Variants in HECTD4 observed in about 807,000 individuals in gnomAD.
HECTD4 encodes probable E3 ubiquitin-protein ligase HECTD4.
HECTD4 carries 114 observed loss-of-function variants against 471.5 expected under a neutral mutation model. The observed-to-expected ratio is 0.24, with a 90% CI of 0.21 to 0.28. The LOEUF is 0.28. Among genes scored for constraint, HECTD4 ranks in the 10% least tolerant of loss-of-function variants. HECTD4 has a pLI of 1.00. For synonymous variants in HECTD4, 2,012 were observed against 2,256.0 expected (o/e 0.89, Z 3.07); for missense variants, 3,866 against 5,651.5 (o/e 0.68, Z 10.13).
chr12:112,316,183 T>C (rs1160150839), intron 2 of HECTD4, among the ~76,000 whole-genome samples: 2 of 152,032 alleles, frequency 1.3e-5, no homozygotes, highest in Non-Finnish European at 2.9e-5. Context: ...TCCCCTCAGA[T>C]ACCCCAAGCA....
chr12:112,250,534 T>C (rs558295506), intron 24 of HECTD4, among the ~76,000 whole-genome samples, 157 bp from the exon 25 acceptor site: 17 of 152,344 alleles, frequency 1.1e-4, no homozygotes, highest in African/African-American at 3.1e-4. Flanking sequence ...CAAGTGAGCA[T>C]TGTATGAAAG....
intron 1 of HECTD4, among the ~76,000 whole-genome samples, chr12:112,348,932 T>G (rs2036203540): frequency 1.3e-5 from 2 of 152,206 alleles, no homozygotes; most frequent in Non-Finnish European, 1.5e-5. Context: ...GATTTTCATC[T>G]TCTTTTTTTG....
chr12:112,246,270 GAA>G (rs1010551003), intron 29 of HECTD4, among the ~76,000 whole-genome samples: 4 of 151,950 alleles, frequency 2.6e-5, no homozygotes, highest in South Asian at 2.1e-4. Flanking sequence ...AAGTAAAGAG[GAA>G]AAAAGTTACA....
chr12:112,171,617 A>G (rs1235103393), intron 67 of HECTD4, among the ~76,000 whole-genome samples: 1 of 152,182 alleles, frequency 6.6e-6, no homozygotes, highest in African/African-American at 2.4e-5. Context: ...TCCCGTGTAC[A>G]TTTCTCCCAG....
chr12:112,189,550 C>CAAA (rs57209316), intron 60 of HECTD4, among the ~76,000 whole-genome samples: 26 of 30,386 alleles, frequency 8.6e-4, no homozygotes, highest in East Asian at 1.8e-3. Context: ...GACTCCGTCT[C>CAAA]AAAAAAAAAA....
intron 1 of HECTD4, among the ~76,000 whole-genome samples, chr12:112,377,293 A>G (rs2036800527): frequency 2.0e-5 from 3 of 152,110 alleles, no homozygotes; most frequent in Non-Finnish European, 4.4e-5. Context: ...AATAAAACAA[A>G]AAAACGGAGC....
At chr12:112,260,534 A>G (rs919049044) in intron 18 of HECTD4, among the ~76,000 whole-genome samples, 26 of 152,176 alleles carry the variant, frequency 1.7e-4, no homozygotes, top group African/African-American at 6.3e-4. Flanking sequence ...CAAATTGTCA[A>G]AAAACACAGT....
intron 24 of HECTD4, among the ~76,000 whole-genome samples, chr12:112,250,769 G>A (rs2033864189): frequency 6.6e-6 from 1 of 152,164 alleles, no homozygotes; most frequent in African/African-American, 2.4e-5. Context: ...GCAGTTCAAA[G>A]ATGTAATTTT....
At chr12:112,336,241 T>A (rs568204911) in intron 1 of HECTD4, among the ~76,000 whole-genome samples, 1 of 152,170 alleles carries the variant, frequency 6.6e-6, no homozygotes, top group South Asian at 2.1e-4. Context: ...TTAAAAAACA[T>A]GGCCGGGCGC....
intron 1 of HECTD4, among the ~76,000 whole-genome samples, chr12:112,379,324 C>T (rs1237871121): frequency 2.0e-5 from 3 of 152,194 alleles, no homozygotes; most frequent in Non-Finnish European, 4.4e-5. Context: ...TGCAATATTT[C>T]CAATTGTTAG....
chr12:112,337,777 G>A lies in HECTD4; in HGVS notation c.178-18035C>T, dbSNP rs557752532. ...ATGTACTCCATTATTTCTTGTTTTT[G>A]CATTCCAAACTAAATTTTTTAAAAT... On this transcript the variant is annotated intron_variant, in intron 1 of 75. Transcript: ENST00000682272. Among the ~76,000 whole-genome samples, 5 of 152,130 alleles carry A rather than the reference G, an allele frequency of 3.3e-5. No individual in the cohort carries two copies. In the East Asian group the frequency reaches 9.6e-4, roughly 29 times the overall value.
intron 48 of HECTD4, among the ~76,000 whole-genome samples, chr12:112,214,613 A>G (rs2032860400): frequency 6.6e-6 from 1 of 152,218 alleles, no homozygotes; most frequent in African/African-American, 2.4e-5. Context: ...CCCGTAGTCC[A>G]GTCCTAAATG....
chr12:112,233,052 A>C lies in HECTD4; in HGVS notation c.5949T>G (p.Thr1983=). The C allele has an allele frequency of 1.2e-6, 2 of 1,612,358 alleles. No individual in the cohort carries two copies. The highest frequency in any genetic ancestry group is 1.7e-6 in the Non-Finnish European group (2 of 1,179,304). The change falls in exon 38 of 76, where the codon ACT becomes ACG. Residue 1983 remains threonine, a synonymous_variant. Transcript: ENST00000682272. The part of the protein sequence containing the change: ...SSEGRPFRLG[T]GANMEKVVKM... ...TCACAACTTTCTCCATGTTGGCGCC[A>C]GTACCAAGTCGGAAGGGCCGTCCTT...
At position 112,258,591 on chromosome 12, in the gene HECTD4, C is replaced by G. The variant is rs752347793; in HGVS notation, c.3033G>C (p.Ala1011=). ...VQLVLYTSQT[A]LLLKTQCPVF... The stretch of plus-strand genomic sequence containing the variant: ...CCGGACACTGGGTTTTAAGCAGCAA[C>G]GCCGTCTGAAACACAAAACCATCAT... The change falls in exon 20 of 76, where the codon GCG becomes GCC. Residue 1011 remains alanine, a synonymous_variant. Transcript: ENST00000682272. 2 of 1,597,442 alleles carry G rather than the reference C, an allele frequency of 1.3e-6. No individual in the cohort carries two copies. Among genetic ancestry groups the G allele is most frequent in the Non-Finnish European group, 1.7e-6 (2 of 1,173,944 alleles).
intron 69 of HECTD4, chr12:112,170,128 G>A (rs1322314769): frequency 1.6e-5 from 11 of 680,684 alleles, no homozygotes; most frequent in South Asian, 5.8e-5. Flanking sequence ...GTGGGCCCCC[G>A]GGAGCCAAGC....
intron 1 of HECTD4, among the ~76,000 whole-genome samples, chr12:112,362,165 A>G (rs1280063773): frequency 6.6e-6 from 1 of 152,306 alleles, no homozygotes; most frequent in Admixed American, 6.5e-5. Flanking sequence ...ATCTGTACTC[A>G]ATGGGACTGT....
chr12:112,210,131 G>A lies in HECTD4; in HGVS notation c.7751C>T (p.Ala2584Val), dbSNP rs1470982284. The change falls in exon 50 of 76, where the codon GCC (alanine) becomes GTC (valine). Residue 2584 changes from alanine to valine, a missense_variant. Coordinates refer to ENST00000682272, the MANE Select transcript of HECTD4 (RefSeq NM_001388303.1). The stretch of plus-strand genomic sequence containing the variant: ...GTCAGATGCCATGGCGAAAGGCAGG[G>A]CCTCAAAGTTAGCGCTGATCTCTTC... ...LAEEISANFE[A>V]LPFAMASDSD... 1 of 1,614,002 alleles carries A rather than the reference G, an allele frequency of 6.2e-7. No homozygotes were observed. Among genetic ancestry groups the A allele is most frequent in the Admixed American group, 1.7e-5 (1 of 60,024 alleles).
Position 112,196,066 on chromosome 12 carries a change from G to A in HECTD4, c.8568-1000C>T, listed in dbSNP as rs1416143590. ...TGAGGTGGGAGGACTGCTGAGCCCA[G>A]TAGTTGGAGGCCACAGTGGGCTATG... On this transcript the variant is annotated intron_variant, in intron 55 of 75. Transcript: ENST00000682272. 3.3e-5 allele frequency among the ~76,000 whole-genome samples: 5 copies of A among 152,198 alleles called. No homozygotes were observed. The East Asian group carries it at 9.6e-4, about 29-fold the overall frequency.
chr12:112,252,972 G>C (rs2033926313), intron 22 of HECTD4, among the ~76,000 whole-genome samples: 1 of 151,892 alleles, frequency 6.6e-6, no homozygotes, highest in South Asian at 2.1e-4. Flanking sequence ...ACCATGCCCA[G>C]CTAATTTTTT....
Sources: allele counts gnomAD v4.1 joint callset (sites outside exome capture counted in the v4.1 genomes callset), GRCh38; gene constraint gnomAD v4.1.1; transcripts MANE v1.5; gene names NCBI Gene and HGNC (gene_info 2026-07-23, HGNC 2026-07-21).